CD2AP: variants seen among roughly 807,000 people sequenced by gnomAD.
CD2AP encodes the protein CD2-associated protein.
In CD2AP, 46 loss-of-function variants were observed where a neutral mutation model predicts 85.1. That is an observed-to-expected ratio of 0.54 (90% CI 0.43 to 0.69). The LOEUF (loss-of-function observed/expected upper bound fraction) is 0.69. Among genes scored for constraint, CD2AP ranks in the 30% least tolerant of loss-of-function variants. The probability of loss-of-function intolerance (pLI) is 0.00; values close to 1 mark genes in which losing one functional copy is unlikely to be tolerated. For missense variants in CD2AP, 769 were observed against 729.5 expected (o/e 1.05, Z -0.62); for synonymous variants, 255 against 252.9 (o/e 1.01, Z -0.08).
intron 3 of CD2AP, among the ~76,000 whole-genome samples, chr6:47,540,009 C>A (rs1767164189): frequency 9.8e-6 from 1 of 101,746 alleles, no homozygotes; most frequent in African/African-American, 3.3e-5. Flanking sequence ...CAAACCCCAT[C>A]TCTACAAAAA....
chr6:47,488,221 C>A (rs1474473540), intron 1 of CD2AP, among the ~76,000 whole-genome samples: 2 of 151,860 alleles, frequency 1.3e-5, no homozygotes, highest in Non-Finnish European at 2.9e-5. Context: ...GTATGAGTCT[C>A]CAATTTAACA....
chr6:47,612,419 T>A (rs559899298), intron 16 of CD2AP, 54 bp from the exon 17 acceptor site: 9 of 1,291,416 alleles, frequency 7.0e-6, no homozygotes. Context: ...TAAACATTAG[T>A]CAAATAAATT....
chr6:47,566,335 T>TACAC (rs1356236960), intron 5 of CD2AP, among the ~76,000 whole-genome samples: 4 of 144,398 alleles, frequency 2.8e-5, no homozygotes, highest in South Asian at 2.2e-4. Context: ...CACATACACA[T>TACAC]ATATATATAT....
At chr6:47,517,352 A>G (rs1235689574) in intron 2 of CD2AP, among the ~76,000 whole-genome samples, 2 of 150,588 alleles carry the variant, frequency 1.3e-5, no homozygotes, top group Non-Finnish European at 1.5e-5. Flanking sequence ...GTGCGGTGCG[A>G]TCACAGCTCG....
intron 5 of CD2AP, among the ~76,000 whole-genome samples, chr6:47,556,600 C>T (rs781513806): frequency 2.6e-5 from 4 of 152,020 alleles, no homozygotes; most frequent in Admixed American, 1.3e-4. Context: ...CCACACGCCT[C>T]GGCCTCCCAA....
rs756770392 is a variant in CD2AP at position 47,612,526 on chromosome 6, G to A, written c.1868G>A (p.Ser623Asn). Residue 623 changes from serine (S) to asparagine (N), a missense_variant, in exon 17 of 18, where the codon AGT becomes AAT. By Grantham distance (46) the Ser-to-Asn change is conservative. Coordinates refer to ENST00000359314, the MANE Select transcript of CD2AP (RefSeq NM_012120.3). ...TTGGAAGAAGAGAAGACAATGAGAAGTAATCTAGAGGTAATTAATTTCTTC... is the reference window on the plus strand; with the variant it reads ...TTGGAAGAAGAGAAGACAATGAGAAATAATCTAGAGGTAATTAATTTCTTC... ...KDLEEEKTMR[S>N]NLEMEIEKLK... 45 of 1,605,402 alleles carry A rather than the reference G, an allele frequency of 2.8e-5. No individual in the cohort carries two copies. The highest frequency in any genetic ancestry group is 3.8e-5 in the Non-Finnish European group (45 of 1,172,574).
intron 16 of CD2AP, among the ~76,000 whole-genome samples, chr6:47,611,751 G>T (rs991162439): frequency 6.6e-6 from 1 of 151,634 alleles, no homozygotes; most frequent in African/African-American, 2.4e-5. Context: ...CTCATTCCTC[G>T]ATTCCTTCCA....
chr6:47,592,165 CTTA>C (rs1422900137), intron 11 of CD2AP, among the ~76,000 whole-genome samples: 1 of 151,978 alleles, frequency 6.6e-6, no homozygotes, highest in Non-Finnish European at 1.5e-5. Context: ...ATATCTGTAC[CTTA>C]TGTAATTCTT....
intron 3 of CD2AP, among the ~76,000 whole-genome samples, chr6:47,537,014 G>A (rs557274132): frequency 6.6e-6 from 1 of 152,216 alleles, no homozygotes; most frequent in African/African-American, 2.4e-5. Flanking sequence ...CCTTAGTAGT[G>A]GAAACTCACG....
chr6:47,521,339 G>A (rs1843404), intron 2 of CD2AP, among the ~76,000 whole-genome samples: 11,711 of 151,822 alleles, frequency 0.077, 465 homozygotes, highest in South Asian at 0.13. Flanking sequence ...ATCACCTCAG[G>A]TCAGGAGTTT....
chr6:47,492,482 A>G (rs893365153), intron 1 of CD2AP, among the ~76,000 whole-genome samples: 17 of 150,080 alleles, frequency 1.1e-4, no homozygotes, highest in African/African-American at 4.2e-4. Context: ...GCTCCCAAGT[A>G]GCTAGGACTA....
intron 4 of CD2AP, among the ~76,000 whole-genome samples, chr6:47,551,659 C>T (rs1767528040): frequency 6.6e-6 from 1 of 152,140 alleles, no homozygotes; most frequent in Admixed American, 6.6e-5. Context: ...CAAAGAATAA[C>T]GGTTGTATTA....
chr6:47,614,531 C>T (rs1193385306), intron 17 of CD2AP, among the ~76,000 whole-genome samples: 1 of 152,122 alleles, frequency 6.6e-6, no homozygotes, highest in East Asian at 1.9e-4. Context: ...GGTGCCAGAA[C>T]AATTACAATA....
intron 4 of CD2AP, among the ~76,000 whole-genome samples, chr6:47,553,189 T>C (rs1024313382): frequency 6.6e-6 from 1 of 152,160 alleles, no homozygotes; most frequent in African/African-American, 2.4e-5. Context: ...TAACACATAT[T>C]GGCTGTTAGA....
intron 17 of CD2AP, among the ~76,000 whole-genome samples, chr6:47,623,563 A>G (rs1207397519): frequency 1.3e-5 from 2 of 152,192 alleles, no homozygotes; most frequent in Admixed American, 1.3e-4. Context: ...TTATTGTGCA[A>G]ACTTAATGAA....
At chr6:47,545,616 T>C (rs6458571) in intron 4 of CD2AP, among the ~76,000 whole-genome samples, 91,856 of 152,002 alleles carry the variant, frequency 0.6, 28,583 homozygotes, top group Middle Eastern at 0.74. Flanking sequence ...CCCCGCCCGC[T>C]GGTCCCAACC....
intron 7 of CD2AP, 30 bp downstream of exon 7, chr6:47,576,632 G>A (rs1290843353): frequency 1.4e-6 from 2 of 1,427,652 alleles, no homozygotes; most frequent in African/African-American, 1.4e-5. Flanking sequence ...TTTCATATTG[G>A]GAATAGTAGA....
At chr6:47,529,576 A>G (rs564806549) in intron 2 of CD2AP, among the ~76,000 whole-genome samples, 82 of 152,278 alleles carry the variant, frequency 5.4e-4, no homozygotes, top group Non-Finnish European at 8.1e-4. Flanking sequence ...ACTGGTTTTT[A>G]TTAATTTTAC....
At chr6:47,555,568 G>A (rs1050713201) in intron 5 of CD2AP, among the ~76,000 whole-genome samples, 2 of 151,936 alleles carry the variant, frequency 1.3e-5, no homozygotes, top group Non-Finnish European at 2.9e-5. Context: ...TTTTAGAACC[G>A]GCTTAATGCA....
Sources: allele counts gnomAD v4.1 joint callset (sites outside exome capture counted in the v4.1 genomes callset), GRCh38; gene constraint gnomAD v4.1.1; transcripts MANE v1.5; gene names NCBI Gene and HGNC (gene_info 2026-07-23, HGNC 2026-07-21).